Variants in CHMP7 observed in about 807,000 individuals in gnomAD.
CHMP7 encodes the protein charged multivesicular body protein 7, also known as CHMP family, member 7.
In CHMP7, 15 loss-of-function variants were observed where a neutral mutation model predicts 53.7. The ratio of observed to expected loss-of-function variants is 0.28; its 90% confidence interval spans 0.19 to 0.43. CHMP7 has a LOEUF of 0.43. Among genes scored for constraint, CHMP7 ranks in the 20% least tolerant of loss-of-function variants. The pLI, the probability that CHMP7 is intolerant of heterozygous loss-of-function variation, is 1.00. For synonymous variants in CHMP7, 261 were observed against 228.0 expected (o/e 1.14, Z -1.30); for missense variants, 527 against 569.4 (o/e 0.93, Z 0.76).
Position 23,260,694 on chromosome 8 carries a change from G to A in CHMP7, c.*95G>A. The A allele has an allele frequency of 5.0e-6, 5 of 994,770 alleles. No homozygotes were observed. The highest frequency in any genetic ancestry group is 4.8e-6 in the Non-Finnish European group (3 of 623,448). 61.6% of individuals were successfully genotyped at this position (994,770 alleles called of 1,614,324 possible). Reference sequence around the variant, plus strand: ...ACAAGAAACTCTCAGAATGTGTTTGGAAGAGGAGAAAGGAGAACCACTGAT... The same window carrying A: ...ACAAGAAACTCTCAGAATGTGTTTGAAAGAGGAGAAAGGAGAACCACTGAT... On this transcript the variant is annotated 3_prime_UTR_variant, in exon 11 of 11. Transcript: ENST00000397677.
intron 9 of CHMP7, 36 bp downstream of exon 9, chr8:23,259,162 ATTTTTTTT>A: frequency 1.9e-5 from 10 of 528,738 alleles, no homozygotes; most frequent in Middle Eastern, 5.6e-4. Flanking sequence ...ATTTTTATTC[ATTTTTTTT>A]TTTTTTTTTT....
chr8:23,250,156 C>G (rs1210608160), intron 3 of CHMP7, among the ~76,000 whole-genome samples: 1 of 152,174 alleles, frequency 6.6e-6, no homozygotes, highest in East Asian at 1.9e-4. Flanking sequence ...TCTCTCTGTC[C>G]CCTCACACGC....
intron 9 of CHMP7, 95 bp downstream of exon 9, chr8:23,259,221 T>C (rs1585317971): frequency 2.8e-5 from 18 of 633,520 alleles, no homozygotes; most frequent in African/African-American, 6.0e-5. Context: ...CAGGCTGGAG[T>C]GCAGTGGCGG....
Position 23,261,294 on chromosome 8 carries a change from G to A in CHMP7, c.*695G>A, listed in dbSNP as rs755523064. ...TGATGGAGCCAGGAGGTCCGCCGGT[G>A]GGGGAAAGGCTTCTTCCGAGGCTTC... On this transcript the variant is annotated 3_prime_UTR_variant, in exon 11 of 11. Coordinates refer to ENST00000397677, the MANE Select transcript of CHMP7 (RefSeq NM_152272.5). 1.3e-5 allele frequency: 2 copies of A among 152,650 alleles called. No individual in the cohort carries two copies. The highest frequency in any genetic ancestry group is 2.9e-5 in the Non-Finnish European group (2 of 68,468). 9.5% of individuals were successfully genotyped at this position (152,650 alleles called of 1,614,324 possible).
At chr8:23,258,639 AC>A in intron 7 of CHMP7, 92 bp from the exon 8 acceptor site, 2 of 1,230,838 alleles carry the variant, frequency 1.6e-6, no homozygotes, top group Non-Finnish European at 2.3e-6. Context: ...GCCAAAAAAA[AC>A]ACCCCAAAGC....
chr8:23,260,465 C>T, intron 10 of CHMP7, 73 bp from the exon 11 acceptor site: 1 of 1,492,556 alleles, frequency 6.7e-7, no homozygotes, highest in Non-Finnish European at 9.4e-7. Flanking sequence ...AAGACTCAGT[C>T]TCTTAATCAC....
At chr8:23,259,696 G>C (rs944561027) in intron 9 of CHMP7, among the ~76,000 whole-genome samples, 1 of 152,234 alleles carries the variant, frequency 6.6e-6, no homozygotes, top group South Asian at 2.1e-4. Flanking sequence ...GGAAGACTTC[G>C]CTTCCCTGTG....
At chr8:23,260,012 A>AT (rs1274368708) in intron 9 of CHMP7, 132 bp from the exon 10 acceptor site, 92 of 662,912 alleles carry the variant, frequency 1.4e-4, no homozygotes, top group Middle Eastern at 4.1e-4. Flanking sequence ...GACTTCCGGG[A>AT]TTTTTTTTTA....
At chr8:23,256,906 C>T (rs956038725) in intron 5 of CHMP7, among the ~76,000 whole-genome samples, 45 of 150,236 alleles carry the variant, frequency 3.0e-4, no homozygotes, top group African/African-American at 9.3e-4. Flanking sequence ...CATTTTCCTG[C>T]GCCAGCCTCC....
intron 5 of CHMP7, among the ~76,000 whole-genome samples, chr8:23,257,745 G>A (rs1341624365): frequency 6.6e-6 from 1 of 152,190 alleles, no homozygotes; most frequent in Non-Finnish European, 1.5e-5. Context: ...TTCCTTCCCT[G>A]TCTCCCCAAA....
At chr8:23,255,066 C>A (rs565187984) in intron 3 of CHMP7, 181 bp from the exon 4 acceptor site, 2 of 637,842 alleles carry the variant, frequency 3.1e-6, no homozygotes, top group Non-Finnish European at 5.5e-6. Flanking sequence ...ACCAAACTTT[C>A]CTCCAAGGCT....
intron 3 of CHMP7, among the ~76,000 whole-genome samples, chr8:23,254,616 G>A (rs2128858829): frequency 6.6e-6 from 1 of 152,084 alleles, no homozygotes; most frequent in South Asian, 2.1e-4. Context: ...GGCCAGGCTG[G>A]TCTCGAACTC....
intron 9 of CHMP7, among the ~76,000 whole-genome samples, 180 bp downstream of exon 9, chr8:23,259,306 CTACAGG>C (rs1802284523): frequency 6.1e-5 from 9 of 146,802 alleles, no homozygotes; most frequent in Admixed American, 1.4e-4. Context: ...GTAGCTGGGA[CTACAGG>C]CGCCTGCCAC....
At chr8:23,256,384 CCACCACCAGCG>C in intron 4 of CHMP7, 65 bp from the exon 5 acceptor site, 1 of 974,564 alleles carries the variant, frequency 1.0e-6, no homozygotes, top group Non-Finnish European at 1.7e-6. Flanking sequence ...TCTCACATGC[CCACCACCAGCG>C]CTCCTGGTTG....
intron 3 of CHMP7, among the ~76,000 whole-genome samples, chr8:23,252,751 T>G (rs914146212): frequency 6.6e-6 from 1 of 152,232 alleles, no homozygotes; most frequent in Non-Finnish European, 1.5e-5. Context: ...TTTAATTTTT[T>G]CCGTTTACAT....
chr8:23,258,916 A>T, intron 8 of CHMP7, 86 bp downstream of exon 8: 1 of 1,117,864 alleles, frequency 8.9e-7, no homozygotes, highest in South Asian at 1.2e-5. Context: ...CTTTAACGAA[A>T]CCTGACTTGT....
chr8:23,252,072 G>GAAA (rs11435557), intron 3 of CHMP7, among the ~76,000 whole-genome samples: 1 of 149,566 alleles, frequency 6.7e-6, no homozygotes, highest in Non-Finnish European at 1.5e-5. Flanking sequence ...AACTTATTGG[G>GAAA]AAAAAAAAAA....
Position 23,244,577 on chromosome 8 carries a change from C to T in CHMP7, c.-441+733C>T, listed in dbSNP as rs1801623133. On this transcript the variant is annotated intron_variant, in intron 1 of 10. Transcript: ENST00000397677. ...AGTAATTCTTGAAGTTGGGTTGTAT[C>T]CGTCCTCTGACTTATTTGTTCAATA... Among the ~76,000 whole-genome samples, 2 of 152,182 alleles carry T rather than the reference C, an allele frequency of 1.3e-5. 1 individual carries two copies. Among genetic ancestry groups the T allele is most frequent in the South Asian group, 4.1e-4 (2 of 4,834 alleles).
intron 3 of CHMP7, among the ~76,000 whole-genome samples, chr8:23,253,236 A>T (rs1801996763): frequency 6.6e-6 from 1 of 152,190 alleles, no homozygotes; most frequent in Non-Finnish European, 1.5e-5. Context: ...AGATTTGTAT[A>T]TCCACTGATA....
Sources: allele counts gnomAD v4.1 joint callset (sites outside exome capture counted in the v4.1 genomes callset), GRCh38; gene constraint gnomAD v4.1.1; transcripts MANE v1.5; gene names NCBI Gene and HGNC (gene_info 2026-07-23, HGNC 2026-07-21).